Variants in TMEM38B observed in about 807,000 individuals in gnomAD.
The protein encoded by TMEM38B is transmembrane protein 38B, also known as trimeric intracellular cation channel type B.
In TMEM38B, 24 loss-of-function variants were observed where a neutral mutation model predicts 28.7. That is an observed-to-expected ratio of 0.84 (90% CI 0.61 to 1.18). The LOEUF (loss-of-function observed/expected upper bound fraction) is 1.18, where lower values mean the gene tolerates loss of function less well. Ranked by LOEUF, TMEM38B falls within the 50% of genes most tolerant of loss-of-function variation. TMEM38B has a pLI of 0.00. For missense variants in TMEM38B, 380 were observed against 350.9 expected (o/e 1.08, Z -0.66); for synonymous variants, 131 against 127.7 (o/e 1.03, Z -0.17).
At chr9:105,768,120 G>A (rs2133651870) in intron 5 of TMEM38B, among the ~76,000 whole-genome samples, 1 of 152,142 alleles carries the variant, frequency 6.6e-6, no homozygotes, top group Middle Eastern at 3.4e-3. Flanking sequence ...CTAGTTTGCT[G>A]AAAGTGTTTA....
intron 4 of TMEM38B, among the ~76,000 whole-genome samples, chr9:105,733,361 G>A (rs1182264766): frequency 6.6e-6 from 1 of 151,218 alleles, no homozygotes; most frequent in Non-Finnish European, 1.5e-5. Flanking sequence ...TTACTGATAT[G>A]GTATTGAGGT....
rs115850996 is a variant in TMEM38B at position 105,760,091 on chromosome 9, C to G, written c.660+11901C>G. 2,559 of 963,394 alleles carry G rather than the reference C, an allele frequency of 2.7e-3. 49 individuals carry two copies. In the African/African-American group the frequency reaches 0.037, roughly 14 times the overall value. 59.7% of individuals were successfully genotyped at this position (963,394 alleles called of 1,614,324 possible). The stretch of plus-strand genomic sequence containing the variant: ...ACTGGTACACGAAGTTTGCTGCAAC[C>G]TCATTTAGAGAGGGTTGCCATCGAT... On this transcript the variant is annotated intron_variant, in intron 5 of 5. Coordinates refer to ENST00000374692, the MANE Select transcript of TMEM38B (RefSeq NM_018112.3).
At chr9:105,703,555 A>G (rs1202333575) in intron 1 of TMEM38B, among the ~76,000 whole-genome samples, 3 of 152,218 alleles carry the variant, frequency 2.0e-5, no homozygotes, top group Non-Finnish European at 4.4e-5. Context: ...TCCTTTGGGT[A>G]TATACCCAGT....
rs1478685026 is a variant in TMEM38B at position 105,721,533 on chromosome 9, T to G, written c.270-4T>G. 4 of 1,579,950 alleles carry G rather than the reference T, an allele frequency of 2.5e-6. No individual in the cohort carries two copies. The highest frequency in any genetic ancestry group is 3.4e-6 in the Non-Finnish European group (4 of 1,163,548). ...ATATTAAAATGTTTACATTTCATTT[T>G]CAGGTATATTACATTTTTTTGCCCG... is the stretch of plus-strand genomic sequence containing the variant. On this transcript the variant is annotated splice_region_variant and splice_polypyrimidine_tract_variant and intron_variant, in intron 2 of 5. Coordinates refer to ENST00000374692, the MANE Select transcript of TMEM38B (RefSeq NM_018112.3).
intron 4 of TMEM38B, 122 bp from the exon 5 acceptor site, chr9:105,747,951 C>G: frequency 1.6e-6 from 1 of 644,822 alleles, no homozygotes; most frequent in Non-Finnish European, 2.7e-6. Flanking sequence ...TTTAACAAAA[C>G]TCATTTTTGC....
chr9:105,758,674 G>A (rs1644383495), intron 5 of TMEM38B: 9 of 765,200 alleles, frequency 1.2e-5, no homozygotes, highest in South Asian at 4.4e-5. Context: ...ACTCTGCCAC[G>A]AAGACATCCA....
intron 4 of TMEM38B, among the ~76,000 whole-genome samples, chr9:105,743,077 GA>G: frequency 6.6e-6 from 1 of 151,436 alleles, no homozygotes; most frequent in Non-Finnish European, 1.5e-5. Context: ...GGGGACTAAA[GA>G]AAAAAACAAA....
chr9:105,739,113 C>T (rs888163682), intron 4 of TMEM38B, among the ~76,000 whole-genome samples: 3 of 152,030 alleles, frequency 2.0e-5, no homozygotes, highest in Non-Finnish European at 4.4e-5. Flanking sequence ...TTATTGAATT[C>T]TTTTCCCACT....
chr9:105,719,529 T>C (rs1588412553), intron 2 of TMEM38B, among the ~76,000 whole-genome samples: 1 of 152,294 alleles, frequency 6.6e-6, no homozygotes, highest in East Asian at 1.9e-4. Context: ...TGTTTACTTG[T>C]AAGTCTACTG....
intron 1 of TMEM38B, among the ~76,000 whole-genome samples, chr9:105,700,466 C>G (rs1339068463): frequency 6.6e-6 from 1 of 152,150 alleles, no homozygotes; most frequent in Non-Finnish European, 1.5e-5. Context: ...TCCCTTAAGT[C>G]ACATGGTTTA....
At chr9:105,772,340 G>A (rs2133657758) in intron 5 of TMEM38B, among the ~76,000 whole-genome samples, 1 of 152,212 alleles carries the variant, frequency 6.6e-6, no homozygotes, top group Admixed American at 6.6e-5. Flanking sequence ...TTGACCTCAG[G>A]TCCTTACAGC....
intron 1 of TMEM38B, among the ~76,000 whole-genome samples, chr9:105,695,130 G>T (rs1312337595): frequency 6.9e-6 from 1 of 145,648 alleles, no homozygotes; most frequent in Admixed American, 6.7e-5. Flanking sequence ...CCAGCCCAGG[G>T]CTTGGGCGGC....
chr9:105,713,292 AC>A (rs1299691922), intron 2 of TMEM38B, among the ~76,000 whole-genome samples: 1 of 152,068 alleles, frequency 6.6e-6, no homozygotes. Flanking sequence ...AGCCCCCCAA[AC>A]CGGGGCTGCA....
intron 4 of TMEM38B, 103 bp downstream of exon 4, chr9:105,722,724 A>T: frequency 1.2e-6 from 1 of 834,014 alleles, no homozygotes; most frequent in South Asian, 1.8e-5. Flanking sequence ...GGTGGAATAT[A>T]GCTGAAAATA....
chr9:105,774,269 T>G lies in TMEM38B; in HGVS notation c.*189T>G. On this transcript the variant is annotated 3_prime_UTR_variant, in exon 6 of 6. Coordinates refer to ENST00000374692, the MANE Select transcript of TMEM38B (RefSeq NM_018112.3). ...GATTGTATTTGTAGAGTGTTACGAG[T>G]GTATCATGTGATTATGCTTTACCGG... is the stretch of plus-strand genomic sequence containing the variant. 1 of 538,820 alleles carries G rather than the reference T, an allele frequency of 1.9e-6. No homozygotes were observed. The highest frequency in any genetic ancestry group is 1.9e-5 in the African/African-American group (1 of 52,682). 33.4% of individuals were successfully genotyped at this position (538,820 alleles called of 1,614,324 possible).
rs1466611659 is a variant in TMEM38B at position 105,738,913 on chromosome 9, G to A, written c.543-9160G>A. On this transcript the variant is annotated intron_variant, in intron 4 of 5. Transcript: ENST00000374692. Reference sequence around the variant, plus strand: ...TTATTTTTTATTTTTTGTAGAGATGGAGTCTTACTGCGTCACCCAGGCTAG... The same window carrying A: ...TTATTTTTTATTTTTTGTAGAGATGAAGTCTTACTGCGTCACCCAGGCTAG... Among the ~76,000 whole-genome samples, 3 of 151,786 alleles carry A rather than the reference G, an allele frequency of 2.0e-5. No individual in the cohort carries two copies. In the East Asian group the frequency reaches 5.8e-4, roughly 29 times the overall value.
In TMEM38B at chr9:105,757,835, A is replaced by G. The variant is rs569553074; in HGVS notation, c.660+9645A>G. ...AATTGAGGTGAATAAAAAAGTGAAGATGAAGAGTATAAACTATTTTAAAGG... is the reference window on the plus strand; with the variant it reads ...AATTGAGGTGAATAAAAAAGTGAAGGTGAAGAGTATAAACTATTTTAAAGG... On this transcript the variant is annotated intron_variant, in intron 5 of 5. Transcript: ENST00000374692. 6.6e-5 allele frequency among the ~76,000 whole-genome samples: 10 copies of G among 152,334 alleles called. No individual in the cohort carries two copies. The South Asian group carries it at 1.7e-3, about 25-fold the overall frequency.
chr9:105,764,530 G>GTACA (rs1195971229), intron 5 of TMEM38B, among the ~76,000 whole-genome samples: 2 of 152,176 alleles, frequency 1.3e-5, no homozygotes, highest in Non-Finnish European at 2.9e-5. Flanking sequence ...TACAAGGGAT[G>GTACA]TGAAGGACCT....
intron 4 of TMEM38B, among the ~76,000 whole-genome samples, chr9:105,731,631 T>G (rs1228662862): frequency 6.6e-6 from 1 of 152,200 alleles, no homozygotes; most frequent in Non-Finnish European, 1.5e-5. Flanking sequence ...ACAAAGGACA[T>G]GAACTCATCC....
Sources: gnomAD v4.1 joint callset for allele counts (sites outside exome capture counted in the v4.1 genomes callset) on GRCh38, gnomAD v4.1.1 for gene constraint, MANE v1.5 for transcripts, NCBI Gene and HGNC (gene_info 2026-07-23, HGNC 2026-07-21) for gene names.